The following ATG3 variants were observed in gnomAD, a reference collection of about 807,000 sequenced individuals.
ATG3 encodes the protein autophagy related 3, also known as ubiquitin-like-conjugating enzyme ATG3.
A neutral mutation model predicts 50.7 loss-of-function variants in ATG3; 25 were observed. That is an observed-to-expected ratio of 0.49 (90% confidence interval 0.36 to 0.69). The LOEUF (loss-of-function observed/expected upper bound fraction) is 0.69. ATG3 is among the 30% of genes least tolerant of loss of function. The pLI is 0.00. For synonymous variants in ATG3, 119 were observed against 125.5 expected (o/e 0.95, Z 0.34); for missense variants, 281 against 376.0 (o/e 0.75, Z 2.09).
chr3:112,541,717 CAATG>C, intron 7 of ATG3, 82 bp downstream of exon 7: 1 of 1,195,608 alleles, frequency 8.4e-7, no homozygotes, highest in South Asian at 1.3e-5. Flanking sequence ...ACTTACAACT[CAATG>C]AAGAATTCTT....
chr3:112,533,318 C>G (rs924199497), intron 11 of ATG3: 43 of 985,046 alleles, frequency 4.4e-5, no homozygotes, highest in African/African-American at 2.3e-4. Context: ...TAGGAGCTTA[C>G]TTTTCATTGG....
At chr3:112,536,104 T>C (rs558811007) in intron 10 of ATG3, 2 of 211,388 alleles carry the variant, frequency 9.5e-6, no homozygotes, top group African/African-American at 2.4e-5. Flanking sequence ...ACAGTCTACA[T>C]TCACAGAAAG....
chr3:112,536,704 A>T, intron 9 of ATG3, 102 bp from the exon 10 acceptor site: 1 of 1,263,454 alleles, frequency 7.9e-7, no homozygotes, highest in Non-Finnish European at 1.1e-6. Flanking sequence ...GGCGGATCAC[A>T]TGGTCAGGAG....
At chr3:112,551,262 T>A (rs1383667714) in intron 3 of ATG3, among the ~76,000 whole-genome samples, 1 of 152,214 alleles carries the variant, frequency 6.6e-6, no homozygotes, top group Non-Finnish European at 1.5e-5. Context: ...CTAATATTAT[T>A]TGACGGCCTT....
chr3:112,547,987 T>TC (rs1198231089), intron 5 of ATG3, among the ~76,000 whole-genome samples: 1 of 152,210 alleles, frequency 6.6e-6, no homozygotes, highest in Non-Finnish European at 1.5e-5. Context: ...GTCTTTTTTT[T>TC]CCCTCTCTGT....
At position 112,548,589 on chromosome 3, in the gene ATG3, G is replaced by A; in HGVS notation, c.287C>T (p.Ala96Val). ...KQMEYSDELEAIIEEDDGDGG... is the reference protein window; with the variant it reads ...KQMEYSDELEVIIEEDDGDGG... Reference sequence around the variant, plus strand: ...ATCACCATCATCTTCTTCAATGATAGCTTCCAATTCATCTGAATATTCCAT... The same window carrying A: ...ATCACCATCATCTTCTTCAATGATAACTTCCAATTCATCTGAATATTCCAT... The change falls in exon 5 of 12, where the codon GCT becomes GTT. Residue 96 changes from alanine (A) to valine (V), a missense_variant. Physicochemically the swap from Ala to Val is moderately conservative, Grantham distance 64 (BLOSUM62 0). Transcript: ENST00000283290. The A allele has an allele frequency of 6.2e-7, 1 of 1,613,992 alleles. No individual in the cohort carries two copies. The highest frequency in any genetic ancestry group is 8.5e-7 in the Non-Finnish European group (1 of 1,179,974).
chr3:112,537,832 C>G lies in ATG3; in HGVS notation c.569G>C (p.Gly190Ala), dbSNP rs1408982151. The G allele has an allele frequency of 6.2e-7, 1 of 1,612,748 alleles. No homozygotes were observed. Among genetic ancestry groups the G allele is most frequent in the East Asian group, 2.2e-5 (1 of 44,768 alleles). The part of the protein sequence containing the change: ...EACKAKTDAG[G>A]EDAILQTRTY... ...TCTGGTTTGCAAAATAGCATCTTCA[C>G]CGCCAGCATCAGTTTTGGCTTTACA... is the stretch of plus-strand genomic sequence containing the variant. The change falls in exon 9 of 12, where the codon GGT becomes GCT. Residue 190 changes from glycine to alanine, a missense_variant. By Grantham distance (60) the Gly-to-Ala change is moderately conservative. This residue lies in a region of ATG3 where 242 missense variants were observed against 305.0 expected (regional missense o/e 0.79). Coordinates refer to ENST00000283290, the MANE Select transcript of ATG3 (RefSeq NM_022488.5).
intron 7 of ATG3, among the ~76,000 whole-genome samples, chr3:112,539,696 C>T (rs1407005947): frequency 6.6e-6 from 1 of 152,072 alleles, no homozygotes; most frequent in Non-Finnish European, 1.5e-5. Context: ...AAGGACAATA[C>T]CTGATAAATA....
At position 112,553,341 on chromosome 3, in the gene ATG3, T is replaced by G. The variant is rs1219948722; in HGVS notation, c.115-12A>C. The G allele has an allele frequency of 1.2e-6, 2 of 1,610,688 alleles. No homozygotes were observed. Among genetic ancestry groups the G allele is most frequent in the Admixed American group, 3.3e-5 (2 of 60,002 alleles). On this transcript the variant is annotated splice_polypyrimidine_tract_variant and intron_variant, in intron 2 of 11. Transcript: ENST00000283290. ...CCAGCTGCCACAAACTATTCAGGATTTAAAAGTAATATGAAAAAAAGGAAA... is the reference window on the plus strand; with the variant it reads ...CCAGCTGCCACAAACTATTCAGGATGTAAAAGTAATATGAAAAAAAGGAAA...
chr3:112,548,630 A>G lies in ATG3; in HGVS notation c.246T>C (p.Tyr82=). Residue 82 remains tyrosine (Y), a synonymous_variant, in exon 5 of 12, where the codon TAT becomes TAC. Coordinates refer to ENST00000283290, the MANE Select transcript of ATG3 (RefSeq NM_022488.5). ...QFLVTKNVPC[Y]KRCKQMEYSD... ...AATATTCCATCTGTTTGCACCGCTT[A>G]TAGCACGGCACTATAAAAAAAATGG... The G allele has an allele frequency of 1.9e-6, 3 of 1,613,756 alleles. No homozygotes were observed. Among genetic ancestry groups the G allele is most frequent in the Non-Finnish European group, 2.5e-6 (3 of 1,179,710 alleles).
rs747587212 is a variant in ATG3, at chr3:112,557,361, C to T, written c.114+1015G>A. On this transcript the variant is annotated intron_variant, in intron 2 of 11. Coordinates refer to ENST00000283290, the MANE Select transcript of ATG3 (RefSeq NM_022488.5). The stretch of plus-strand genomic sequence containing the variant: ...TTCTTAAAACTCACAAGGAGCCGGG[C>T]GCAGTGGCTCAAGCCTGTAATCCCG... Among the ~76,000 whole-genome samples the T allele has an allele frequency of 9.8e-4, 149 of 152,180 alleles. 1 individual carries two copies. Among genetic ancestry groups the T allele is most frequent in the Non-Finnish European group, 1.8e-3 (120 of 67,992 alleles).
At chr3:112,560,667 A>G (rs1006975079) in intron 1 of ATG3, among the ~76,000 whole-genome samples, 11 of 152,224 alleles carry the variant, frequency 7.2e-5, no homozygotes, top group African/African-American at 2.7e-4. Flanking sequence ...AAGTTACAAC[A>G]AAACACTCCA....
At chr3:112,540,783 G>A (rs1322421374) in intron 7 of ATG3, among the ~76,000 whole-genome samples, 1 of 152,078 alleles carries the variant, frequency 6.6e-6, no homozygotes, top group African/African-American at 2.4e-5. Context: ...GGAAGATATG[G>A]TTAACAGAAT....
At chr3:112,534,612 T>A (rs1336891757) in intron 10 of ATG3, 1 of 189,002 alleles carries the variant, frequency 5.3e-6, no homozygotes, top group Non-Finnish European at 1.1e-5. Context: ...GGGCATAATC[T>A]TAAAAAGCTA....
chr3:112,556,995 G>A (rs1302304104), intron 2 of ATG3, among the ~76,000 whole-genome samples: 1 of 150,528 alleles, frequency 6.6e-6, no homozygotes, highest in Non-Finnish European at 1.5e-5. Context: ...CCCCCTCTGC[G>A]AGAAACACCC....
intron 3 of ATG3, among the ~76,000 whole-genome samples, chr3:112,550,947 G>C (rs1319251288): frequency 1.3e-5 from 2 of 152,174 alleles, no homozygotes; most frequent in African/African-American, 4.8e-5. Context: ...AGATTAAACA[G>C]ATCAAGTTGC....
chr3:112,560,403 A>G (rs763745326), intron 1 of ATG3, among the ~76,000 whole-genome samples: 7 of 152,242 alleles, frequency 4.6e-5, no homozygotes, highest in Admixed American at 2.6e-4. Flanking sequence ...TACTTGGCCA[A>G]TAAGTTATTC....
chr3:112,533,043 T>C, intron 11 of ATG3: 1 of 1,092,664 alleles, frequency 9.2e-7, no homozygotes, highest in Non-Finnish European at 1.1e-6. Context: ...TACTTTGACA[T>C]AAAAAGGACA....
At chr3:112,556,890 G>A (rs1933699664) in intron 2 of ATG3, among the ~76,000 whole-genome samples, 1 of 151,958 alleles carries the variant, frequency 6.6e-6, no homozygotes, top group Admixed American at 6.6e-5. Flanking sequence ...AAACACTGCG[G>A]AAGGCCACAG....
Sources: gnomAD v4.1 joint callset for allele counts (sites outside exome capture counted in the v4.1 genomes callset) on GRCh38, gnomAD v4.1.1 for gene constraint, gnomAD v4.1.1 regional missense constraint, MANE v1.5 for transcripts, NCBI Gene and HGNC (gene_info 2026-07-23, HGNC 2026-07-21) for gene names.